The following DEFB4B variants were observed in gnomAD, a reference collection of about 807,000 sequenced individuals.
DEFB4B encodes beta-defensin 4B.
intron 1 of DEFB4B, among the ~76,000 whole-genome samples, chr8:7,415,405 G>A (rs1224529079): frequency 4.0e-5 from 6 of 151,384 alleles, no homozygotes; most frequent in Non-Finnish European, 8.8e-5. Flanking sequence ...GCTCAGCAAC[G>A]ATCTCTTGTG....
At chr8:7,416,401 A>G (rs1310929316) in intron 1 of DEFB4B, among the ~76,000 whole-genome samples, 1 of 151,804 alleles carries the variant, frequency 6.6e-6, no homozygotes, top group African/African-American at 2.4e-5. Context: ...TTTACAAGCT[A>G]CTGGGCTCCT....
chr8:7,415,446 A>T (rs1351544085), intron 1 of DEFB4B, among the ~76,000 whole-genome samples: 1 of 151,338 alleles, frequency 6.6e-6, no homozygotes, highest in African/African-American at 2.4e-5. Context: ...AGATAATATC[A>T]AAGCCACCAT....
chr8:7,415,799 C>T (rs1299582857), intron 1 of DEFB4B, among the ~76,000 whole-genome samples: 3 of 146,928 alleles, frequency 2.0e-5, no homozygotes, highest in Admixed American at 7.0e-5. Flanking sequence ...CTTCATTATA[C>T]TGTTCTAGGT....
chr8:7,415,718 TCCC>T (rs1808816187), intron 1 of DEFB4B, among the ~76,000 whole-genome samples: 1 of 78,350 alleles, frequency 1.3e-5, no homozygotes, highest in Non-Finnish European at 2.4e-5. Flanking sequence ...CCTCCCTCCC[TCCC>T]TCCTTCCCTC....
chr8:7,415,596 CAGTT>C (rs1459613412), intron 1 of DEFB4B, among the ~76,000 whole-genome samples: 1 of 151,374 alleles, frequency 6.6e-6, no homozygotes, highest in Non-Finnish European at 1.5e-5. Context: ...AAGTAACTTA[CAGTT>C]GAAAACCACA....
At chr8:7,415,307 T>G (rs868551172) in intron 1 of DEFB4B, among the ~76,000 whole-genome samples, 8,453 of 144,854 alleles carry the variant, frequency 0.058, 9 homozygotes, top group Middle Eastern at 0.13. Flanking sequence ...TGCTGTGGTT[T>G]GGGGGATGTT....
intron 1 of DEFB4B, among the ~76,000 whole-genome samples, 174 bp downstream of exon 1, chr8:7,416,594 AAG>A (rs1352274536): frequency 2.0e-5 from 3 of 149,140 alleles, no homozygotes; most frequent in Admixed American, 6.8e-5. Flanking sequence ...GACAGAAAAA[AAG>A]AGAGAGAGGG....
intron 1 of DEFB4B, 128 bp from the exon 2 acceptor site, chr8:7,415,225 G>A (rs1344194219): frequency 2.0e-6 from 1 of 500,566 alleles, no homozygotes; most frequent in Admixed American, 3.4e-5. Flanking sequence ...TCTCAAGCCT[G>A]GGCTTTTCCA....
At chr8:7,416,552 A>C in intron 1 of DEFB4B, among the ~76,000 whole-genome samples, 1 of 150,832 alleles carries the variant, frequency 6.6e-6, no homozygotes, top group African/African-American at 2.4e-5. Flanking sequence ...GAAAGAAAGA[A>C]AGACATGCTC....
intron 1 of DEFB4B, among the ~76,000 whole-genome samples, chr8:7,415,902 C>T (rs1303340749): frequency 1.4e-5 from 2 of 147,950 alleles, no homozygotes; most frequent in Admixed American, 6.9e-5. Context: ...ATGAGGATTT[C>T]ACAAGATGAT....
intron 1 of DEFB4B, among the ~76,000 whole-genome samples, chr8:7,415,689 ATCCCTCCCTCCCTCCCTCCCTCCC>A (rs1172499428): frequency 1.5e-5 from 1 of 67,364 alleles, no homozygotes; most frequent in African/African-American, 5.4e-5. Context: ...TTCTTTTTTT[ATCCCTCCCTCCCTCCCTCCCTCCC>A]TCCCTCCCTC....
chr8:7,415,725 T>TTCCCTCCC (rs1808817985), intron 1 of DEFB4B, among the ~76,000 whole-genome samples: 1 of 38,242 alleles, frequency 2.6e-5, no homozygotes, highest in Admixed American at 3.5e-4. Flanking sequence ...CCCTCCCTCC[T>TTCCCTCCC]TCCCTCCCTC....
intron 1 of DEFB4B, among the ~76,000 whole-genome samples, chr8:7,415,505 C>A (rs1808799600): frequency 6.6e-6 from 1 of 151,394 alleles, no homozygotes; most frequent in African/African-American, 2.4e-5. Context: ...TTTTTCAAAT[C>A]ATTTAGTCTG....
chr8:7,415,689 ATCCCTCCCTCCCTCCCTCCC>A (rs1172499428), intron 1 of DEFB4B, among the ~76,000 whole-genome samples: 12 of 67,444 alleles, frequency 1.8e-4, no homozygotes, highest in African/African-American at 5.9e-4. Flanking sequence ...TTCTTTTTTT[ATCCCTCCCTCCCTCCCTCCC>A]TCCCTCCCTC....
rs532335988 is a variant in DEFB4B, at chr8:7,415,477, A to C, written c.59-380T>G. Among the ~76,000 whole-genome samples the C allele has an allele frequency of 4.0e-5, 6 of 151,398 alleles. No individual in the cohort carries two copies. The East Asian group carries it at 1.2e-3, about 29-fold the overall frequency. ...ACCATACCTCCATTTTAACACACAC[A>C]AGCCAGTAAACTTTTGCTTTTTCAA... is the stretch of plus-strand genomic sequence containing the variant. On this transcript the variant is annotated intron_variant, in intron 1 of 1. Coordinates refer to ENST00000318157, the MANE Select transcript of DEFB4B (RefSeq NM_001205266.2).
intron 1 of DEFB4B, among the ~76,000 whole-genome samples, chr8:7,415,689 A>ATCCCTCTCTCCC (rs1808809837): frequency 1.5e-5 from 1 of 67,366 alleles, no homozygotes; most frequent in African/African-American, 5.4e-5. Flanking sequence ...TTCTTTTTTT[A>ATCCCTCTCTCCC]TCCCTCCCTC....
intron 1 of DEFB4B, 129 bp downstream of exon 1, chr8:7,416,641 G>T (rs1203409194): frequency 5.9e-6 from 2 of 337,290 alleles, no homozygotes; most frequent in East Asian, 8.9e-5. Context: ...AGGATGGAGG[G>T]GACACACAGA....
intron 1 of DEFB4B, among the ~76,000 whole-genome samples, 190 bp downstream of exon 1, chr8:7,416,576 AAAAG>A (rs1473052060): frequency 6.7e-5 from 10 of 148,308 alleles, no homozygotes; most frequent in Admixed American, 6.2e-4. Context: ...GGAGAGAGGA[AAAAG>A]AAAGACAGAA....
At chr8:7,415,652 A>G (rs1474766384) in intron 1 of DEFB4B, among the ~76,000 whole-genome samples, 11 of 148,804 alleles carry the variant, frequency 7.4e-5, no homozygotes, top group Non-Finnish European at 1.3e-4. Flanking sequence ...TGTTTCTAAT[A>G]TCTAAGTCCT....
Sources: gnomAD v4.1 joint callset for allele counts (sites outside exome capture counted in the v4.1 genomes callset) on GRCh38, gnomAD v4.1.1 for gene constraint, MANE v1.5 for transcripts, NCBI Gene and HGNC (gene_info 2026-07-23, HGNC 2026-07-21) for gene names.